The following SIL1 variants were observed in gnomAD, a reference collection of about 807,000 sequenced individuals.
SIL1 encodes nucleotide exchange factor SIL1.
In SIL1, 40 loss-of-function variants were observed where a neutral mutation model predicts 49.1. The observed-to-expected ratio is 0.81, with a 90% CI of 0.63 to 1.06. SIL1 has a LOEUF of 1.06. SIL1 is among the 50% of genes least tolerant of loss of function. The pLI is 0.00. For missense variants in SIL1, 500 were observed against 572.6 expected (o/e 0.87, Z 1.29); for synonymous variants, 253 against 250.8 (o/e 1.01, Z -0.08).
chr5:139,131,524 G>A (rs1561874177), intron 1 of SIL1: 1 of 152,144 alleles, frequency 6.6e-6, no homozygotes. Flanking sequence ...CAGCCAAATG[G>A]AAAAGCAAAG....
intron 7 of SIL1, among the ~76,000 whole-genome samples, chr5:138,963,900 G>C (rs1012345092): frequency 2.6e-5 from 4 of 152,206 alleles, no homozygotes; most frequent in African/African-American, 9.6e-5. Context: ...TTGTAACAGA[G>C]AAGAAAACTG....
rs748246421 is a variant in SIL1 at position 139,042,716 on chromosome 5, C to T, written c.357G>A (p.Leu119=). ...KFRNNLKGKR[L]DINTNTYTSQ... ...ATGTGTAGGTGTTGGTGTTGATATC[C>T]AGCCTGTCCAAAGAAAACTGAGAGT... The change falls in exon 5 of 10, where the codon CTG becomes CTA. Residue 119 remains leucine, a synonymous_variant. Transcript: ENST00000394817. 1 of 1,613,964 alleles carries T rather than the reference C, an allele frequency of 6.2e-7. No individual in the cohort carries two copies.
At chr5:139,040,498 C>CTTTTTTTTTT (rs11312366) in intron 5 of SIL1, among the ~76,000 whole-genome samples, 1 of 105,328 alleles carries the variant, frequency 9.5e-6, no homozygotes, top group African/African-American at 3.6e-5. Flanking sequence ...TTTCTTTTTT[C>CTTTTTTTTTT]TTTTTTTTTT....
chr5:139,182,112 A>C (rs1425240495), intron 1 of SIL1, among the ~76,000 whole-genome samples: 2 of 152,192 alleles, frequency 1.3e-5, no homozygotes, highest in Non-Finnish European at 1.5e-5. Context: ...CTCTTGGGAC[A>C]TGTGTGGCCA....
rs529099040 is a variant in SIL1, at chr5:139,152,542, A to G, written c.-10-24689T>C. Among the ~76,000 whole-genome samples, 181 of 150,878 alleles carry G rather than the reference A, an allele frequency of 1.2e-3. 1 individual carries two copies. Among genetic ancestry groups the G allele is most frequent in the African/African-American group, 4.2e-3 (173 of 41,024 alleles). On this transcript the variant is annotated intron_variant, in intron 1 of 9. Coordinates refer to ENST00000394817, the MANE Select transcript of SIL1 (RefSeq NM_022464.5). ...AGGCTGAGGCAGGAGAATCCCTTGAACCCAGGAGGCAGAGGTTGCAGTGAG... is the reference window on the plus strand; with the variant it reads ...AGGCTGAGGCAGGAGAATCCCTTGAGCCCAGGAGGCAGAGGTTGCAGTGAG...
At chr5:139,023,211 C>T (rs578190404) in intron 6 of SIL1, among the ~76,000 whole-genome samples, 8 of 152,318 alleles carry the variant, frequency 5.3e-5, no homozygotes, top group African/African-American at 1.7e-4. Context: ...CTGCCCAGTG[C>T]ACATCAAAAG....
At chr5:138,993,181 T>C (rs1048808467) in intron 7 of SIL1, among the ~76,000 whole-genome samples, 1 of 152,062 alleles carries the variant, frequency 6.6e-6, no homozygotes, top group African/African-American at 2.4e-5. Flanking sequence ...CCTTAAGAGA[T>C]TTTTAAGTGC....
At chr5:139,196,705 C>A (rs1752281630) in intron 1 of SIL1, among the ~76,000 whole-genome samples, 1 of 152,132 alleles carries the variant, frequency 6.6e-6, no homozygotes, top group African/African-American at 2.4e-5. Context: ...AGATTAAATT[C>A]ACTAAACAAA....
chr5:138,976,664 G>T (rs955395059), intron 7 of SIL1, among the ~76,000 whole-genome samples: 1 of 151,990 alleles, frequency 6.6e-6, no homozygotes, highest in Admixed American at 6.6e-5. Context: ...ACATAGTAGG[G>T]ACTCAATAAA....
intron 1 of SIL1, among the ~76,000 whole-genome samples, chr5:139,146,950 G>T (rs946745445): frequency 6.6e-6 from 1 of 152,164 alleles, no homozygotes; most frequent in Non-Finnish European, 1.5e-5. Flanking sequence ...CCACAAAACT[G>T]TACTGTAAAT....
chr5:139,004,248 A>G (rs1187470583), intron 7 of SIL1, among the ~76,000 whole-genome samples: 1 of 151,996 alleles, frequency 6.6e-6, no homozygotes, highest in Non-Finnish European at 1.5e-5. Flanking sequence ...TGATCCTTCC[A>G]CCTCAGCCTC....
At chr5:139,106,289 A>T (rs181612659) in intron 3 of SIL1, among the ~76,000 whole-genome samples, 83 of 152,330 alleles carry the variant, frequency 5.4e-4, no homozygotes, top group Non-Finnish European at 1.0e-3. Context: ...TCTCCTTCCC[A>T]CTGGCATCCT....
At position 138,950,614 on chromosome 5, in the gene SIL1, C is replaced by T. The variant is rs935360926; in HGVS notation, c.1029+557G>A. Among the ~76,000 whole-genome samples, 3 of 152,318 alleles carry T rather than the reference C, an allele frequency of 2.0e-5. No homozygotes were observed. In the South Asian group the frequency reaches 6.2e-4, roughly 32 times the overall value. ...CAGTAGCTGAATTAAGAATCCAGGC[C>T]TGGCTGGTTTTCCTCTCTCCTCCTT... On this transcript the variant is annotated intron_variant, in intron 9 of 9. Coordinates refer to ENST00000394817, the MANE Select transcript of SIL1 (RefSeq NM_022464.5).
intron 7 of SIL1, among the ~76,000 whole-genome samples, chr5:138,953,883 C>T (rs1194872346): frequency 1.3e-5 from 2 of 152,232 alleles, no homozygotes; most frequent in African/African-American, 4.8e-5. Context: ...TCGCATCAGC[C>T]TTTGGGAGCA....
intron 5 of SIL1, chr5:139,035,176 C>T (rs574845655): frequency 1.8e-4 from 68 of 382,226 alleles, no homozygotes; most frequent in African/African-American, 1.4e-3. Context: ...CACTGCACCA[C>T]TGTTGATGTC....
At chr5:139,155,471 G>C (rs979739215) in intron 1 of SIL1, 1 of 152,092 alleles carries the variant, frequency 6.6e-6, no homozygotes, top group African/African-American at 2.4e-5. Flanking sequence ...GAGAGAGAGA[G>C]AGAGAGAACG....
At chr5:139,179,987 T>C (rs1169856320) in intron 1 of SIL1, among the ~76,000 whole-genome samples, 2 of 149,138 alleles carry the variant, frequency 1.3e-5, no homozygotes, top group Non-Finnish European at 3.0e-5. Flanking sequence ...CCTCAGGAAG[T>C]CGAGGCTGCA....
chr5:138,977,670 T>C (rs1767422711), intron 7 of SIL1, among the ~76,000 whole-genome samples: 1 of 152,088 alleles, frequency 6.6e-6, no homozygotes, highest in African/African-American at 2.4e-5. Context: ...GTAAATCAGA[T>C]CTTGTTACTC....
intron 7 of SIL1, among the ~76,000 whole-genome samples, chr5:139,005,540 G>A (rs1306757401): frequency 7.4e-6 from 1 of 135,728 alleles, no homozygotes; most frequent in Non-Finnish European, 1.6e-5. Flanking sequence ...CCATGCTGGT[G>A]CGCTGCGCCC....
Sources: allele counts gnomAD v4.1 joint callset (sites outside exome capture counted in the v4.1 genomes callset), GRCh38; gene constraint gnomAD v4.1.1; transcripts MANE v1.5; gene names NCBI Gene and HGNC (gene_info 2026-07-23, HGNC 2026-07-21).